The following CNTNAP2 variants were observed in gnomAD, a reference collection of about 807,000 sequenced individuals.
The protein encoded by CNTNAP2 is contactin associated protein 2.
In CNTNAP2, 98 loss-of-function variants were observed where a neutral mutation model predicts 155.2. That is an observed-to-expected ratio of 0.63 (90% CI 0.54 to 0.75). CNTNAP2 has a LOEUF of 0.75. CNTNAP2 is among the 30% of genes least tolerant of loss of function. CNTNAP2 has a pLI of 0.00. For missense variants in CNTNAP2, 1,727 were observed against 1,688.1 expected, an observed-to-expected ratio of 1.02 and a Z score of -0.40; for synonymous variants, 651 against 631.2, an observed-to-expected ratio of 1.03 and a Z score of -0.47.
intron 14 of CNTNAP2, among the ~76,000 whole-genome samples, chr7:147,953,532 TAA>T (rs999166048): frequency 2.6e-5 from 4 of 152,112 alleles, no homozygotes; most frequent in African/African-American, 9.7e-5. Context: ...CTTTAAATTT[TAA>T]AAAAGGAAAT....
chr7:147,798,088 A>C (rs1326159278), intron 13 of CNTNAP2, among the ~76,000 whole-genome samples: 1 of 152,226 alleles, frequency 6.6e-6, no homozygotes, highest in Non-Finnish European at 1.5e-5. Context: ...ATAATGAATA[A>C]TGTGCTCCTT....
chr7:146,908,200 T>A (rs1796186938), intron 3 of CNTNAP2, among the ~76,000 whole-genome samples: 2 of 152,100 alleles, frequency 1.3e-5, no homozygotes, highest in Non-Finnish European at 2.9e-5. Context: ...ACATTAATAA[T>A]GGGAGACTTT....
chr7:147,698,672 C>T (rs953474058), intron 13 of CNTNAP2, among the ~76,000 whole-genome samples: 56 of 152,090 alleles, frequency 3.7e-4, no homozygotes, highest in Admixed American at 5.2e-4. Flanking sequence ...GTGATTTCCC[C>T]ACCTCAGCCT....
intron 21 of CNTNAP2, among the ~76,000 whole-genome samples, chr7:148,328,050 T>C (rs1797922128): frequency 6.6e-6 from 1 of 152,216 alleles, no homozygotes; most frequent in South Asian, 2.1e-4. Context: ...CAGCATCTTA[T>C]TCCAGGAGCT....
intron 1 of CNTNAP2, among the ~76,000 whole-genome samples, chr7:146,572,404 T>A (rs1798456049): frequency 6.6e-6 from 1 of 152,196 alleles, no homozygotes; most frequent in African/African-American, 2.4e-5. Context: ...GACTTAGGGA[T>A]GTCTTTCTTT....
At chr7:146,124,897 A>C (rs1049186580) in intron 1 of CNTNAP2, among the ~76,000 whole-genome samples, 4 of 152,202 alleles carry the variant, frequency 2.6e-5, no homozygotes, top group African/African-American at 9.7e-5. Context: ...CTTTCTCCAC[A>C]CAATATGCCA....
chr7:146,686,299 G>GA (rs58176175), intron 1 of CNTNAP2, among the ~76,000 whole-genome samples: 4,366 of 149,252 alleles, frequency 0.029, 90 homozygotes, highest in East Asian at 0.11. Flanking sequence ...TGTCTCAAGG[G>GA]AAAAAAAAAA....
At chr7:147,596,315 T>C (rs1800826680) in intron 12 of CNTNAP2, among the ~76,000 whole-genome samples, 3 of 152,168 alleles carry the variant, frequency 2.0e-5, no homozygotes, top group African/African-American at 4.8e-5. Context: ...CTGTCAAATA[T>C]ATGTTAAACT....
At chr7:146,811,122 T>A (rs1209035323) in intron 2 of CNTNAP2, among the ~76,000 whole-genome samples, 2 of 152,194 alleles carry the variant, frequency 1.3e-5, no homozygotes, top group African/African-American at 4.8e-5. Context: ...TTATCTGGCT[T>A]TGATATGAAC....
intron 13 of CNTNAP2, among the ~76,000 whole-genome samples, chr7:147,763,090 T>C (rs372989575): frequency 6.6e-6 from 1 of 151,800 alleles, no homozygotes; most frequent in Non-Finnish European, 1.5e-5. Flanking sequence ...GAAGCCCCCG[T>C]CTCTACTAAA....
At chr7:146,727,074 T>C (rs1434456744) in intron 1 of CNTNAP2, among the ~76,000 whole-genome samples, 1 of 152,168 alleles carries the variant, frequency 6.6e-6, no homozygotes, top group Non-Finnish European at 1.5e-5. Context: ...AATTATTTTG[T>C]AATTCTAGTT....
chr7:146,806,113 C>CT (rs1346513810), intron 2 of CNTNAP2, among the ~76,000 whole-genome samples: 3 of 152,154 alleles, frequency 2.0e-5, no homozygotes, highest in African/African-American at 7.2e-5. Flanking sequence ...AGGTAAAACA[C>CT]TAATTATGTA....
At chr7:146,618,745 G>T (rs1460920545) in intron 1 of CNTNAP2, among the ~76,000 whole-genome samples, 1 of 152,136 alleles carries the variant, frequency 6.6e-6, no homozygotes, top group African/African-American at 2.4e-5. Flanking sequence ...AACCAAAGAA[G>T]GGAAAGGTAG....
intron 1 of CNTNAP2, among the ~76,000 whole-genome samples, chr7:146,677,181 C>A (rs1800415178): frequency 6.6e-6 from 1 of 152,114 alleles, no homozygotes; most frequent in African/African-American, 2.4e-5. Context: ...ATACGTGGAA[C>A]TGGAAGTGGG....
chr7:147,090,322 C>CGTGTGTGTGT (rs146882206), intron 4 of CNTNAP2, among the ~76,000 whole-genome samples: 9,493 of 141,806 alleles, frequency 0.067, 775 homozygotes, highest in African/African-American at 0.19. Flanking sequence ...AACATATAAG[C>CGTGTGTGTGT]GTGTGTGTGT....
intron 8 of CNTNAP2, among the ~76,000 whole-genome samples, chr7:147,242,317 T>A (rs1803956044): frequency 6.6e-6 from 1 of 152,240 alleles, no homozygotes; most frequent in Non-Finnish European, 1.5e-5. Context: ...GAAAAACATT[T>A]CCTTTGCCAA....
intron 3 of CNTNAP2, among the ~76,000 whole-genome samples, chr7:147,010,201 G>A (rs1298299617): frequency 6.6e-6 from 1 of 151,606 alleles, no homozygotes; most frequent in African/African-American, 2.4e-5. Flanking sequence ...ATAGAGACAC[G>A]GTTTCCCCAT....
intron 9 of CNTNAP2, among the ~76,000 whole-genome samples, chr7:147,393,483 CA>C (rs753538177): frequency 0.012 from 1,074 of 89,306 alleles, 10 homozygotes; most frequent in Middle Eastern, 0.04. Context: ...CCCAATTATT[CA>C]AAAAAAAAAA....
intron 14 of CNTNAP2, among the ~76,000 whole-genome samples, chr7:147,928,247 C>T (rs1260651509): frequency 2.0e-5 from 3 of 152,080 alleles, no homozygotes; most frequent in Admixed American, 1.3e-4. Flanking sequence ...TAATTAGCAG[C>T]ATGAGAACAG....
Sources: allele counts gnomAD v4.1 joint callset (sites outside exome capture counted in the v4.1 genomes callset), GRCh38; gene constraint gnomAD v4.1.1; transcripts MANE v1.5; gene names NCBI Gene and HGNC (gene_info 2026-07-23, HGNC 2026-07-21).